Variants in FHOD3 observed in about 807,000 individuals in gnomAD.
The protein encoded by FHOD3 is formin homology 2 domain containing 3.
Under a neutral mutation model 173.0 loss-of-function variants are expected in FHOD3, and 90 were observed. That is an observed-to-expected ratio of 0.52 (90% confidence interval 0.44 to 0.62). The LOEUF is 0.62. Among genes scored for constraint, FHOD3 ranks in the 20% least tolerant of loss-of-function variants. The pLI is 0.00. For synonymous variants in FHOD3, 828 were observed against 823.0 expected, an observed-to-expected ratio of 1.01 and a Z score of -0.10; for missense variants, 1,945 against 2,034.7, an observed-to-expected ratio of 0.96 and a Z score of 0.85.
At chr18:36,379,015 C>A (rs1311799219) in intron 3 of FHOD3, among the ~76,000 whole-genome samples, 1 of 152,192 alleles carries the variant, frequency 6.6e-6, no homozygotes, top group Non-Finnish European at 1.5e-5. Context: ...GGGAACCATT[C>A]AGTTCTGTCA....
chr18:36,646,100 T>C (rs1600065098), intron 10 of FHOD3, among the ~76,000 whole-genome samples: 3 of 152,188 alleles, frequency 2.0e-5, no homozygotes, highest in African/African-American at 7.2e-5. Flanking sequence ...GCAGATGAAT[T>C]GGAAAGAAGT....
intron 17 of FHOD3, among the ~76,000 whole-genome samples, chr18:36,706,785 A>G (rs965023863): frequency 1.3e-5 from 2 of 152,176 alleles, no homozygotes; most frequent in African/African-American, 4.8e-5. Flanking sequence ...GGTTTTCACC[A>G]TATGCTTACC....
At chr18:36,562,208 G>T (rs2058111520) in intron 5 of FHOD3, among the ~76,000 whole-genome samples, 1 of 152,090 alleles carries the variant, frequency 6.6e-6, no homozygotes, top group Non-Finnish European at 1.5e-5. Context: ...GTAGAGACAG[G>T]ATTTCACCAT....
intron 7 of FHOD3, among the ~76,000 whole-genome samples, chr18:36,598,706 C>T (rs899817732): frequency 1.3e-5 from 2 of 152,128 alleles, no homozygotes; most frequent in Non-Finnish European, 2.9e-5. Context: ...CCCGCCACCT[C>T]ACCTGGCTAA....
chr18:36,510,004 C>T (rs561626392), intron 4 of FHOD3, among the ~76,000 whole-genome samples: 1 of 152,322 alleles, frequency 6.6e-6, no homozygotes, highest in South Asian at 2.1e-4. Context: ...ATTACACAGG[C>T]AGCGGTGCTG....
intron 3 of FHOD3, among the ~76,000 whole-genome samples, chr18:36,458,260 T>G (rs1195747276): frequency 6.6e-6 from 1 of 152,076 alleles, no homozygotes; most frequent in Admixed American, 6.5e-5. Flanking sequence ...CGTGGGAACT[T>G]ATCAGTAATT....
chr18:36,331,080 G>A (rs974680913), intron 1 of FHOD3, among the ~76,000 whole-genome samples: 18 of 152,128 alleles, frequency 1.2e-4, no homozygotes, highest in African/African-American at 4.3e-4. Context: ...TGCTTGTTCT[G>A]ATTTCCTCCA....
intron 4 of FHOD3, among the ~76,000 whole-genome samples, chr18:36,511,841 G>A (rs1035201110): frequency 1.3e-5 from 2 of 152,210 alleles, no homozygotes; most frequent in African/African-American, 2.4e-5. Flanking sequence ...AGCCAAGGCG[G>A]TCCTTTCGAG....
chr18:36,627,120 A>G (rs2034169035), intron 10 of FHOD3, among the ~76,000 whole-genome samples: 1 of 152,206 alleles, frequency 6.6e-6, no homozygotes, highest in Non-Finnish European at 1.5e-5. Context: ...TACCATGAGC[A>G]TTGCATTTTG....
At chr18:36,622,359 GA>G (rs963857834) in intron 9 of FHOD3, among the ~76,000 whole-genome samples, 7 of 152,042 alleles carry the variant, frequency 4.6e-5, no homozygotes, top group African/African-American at 1.4e-4. Context: ...TAAATAAAAA[GA>G]AAAAAATTCT....
intron 5 of FHOD3, among the ~76,000 whole-genome samples, chr18:36,551,320 G>A (rs2147343982): frequency 6.6e-6 from 1 of 152,092 alleles, no homozygotes; most frequent in East Asian, 1.9e-4. Flanking sequence ...CTGACAGATT[G>A]GTGTATAGTT....
chr18:36,670,505 G>C (rs1438900603), intron 14 of FHOD3, among the ~76,000 whole-genome samples: 1 of 151,920 alleles, frequency 6.6e-6, no homozygotes, highest in Admixed American at 6.6e-5. Flanking sequence ...TTCTTCTGTG[G>C]TGACAATCTA....
chr18:36,737,982 C>T (rs993347269), intron 20 of FHOD3, among the ~76,000 whole-genome samples: 1 of 152,114 alleles, frequency 6.6e-6, no homozygotes, highest in Non-Finnish European at 1.5e-5. Flanking sequence ...CTTGTGTTGC[C>T]CTTTTGTAGT....
chr18:36,559,875 G>A (rs764095421), intron 5 of FHOD3, among the ~76,000 whole-genome samples: 12 of 151,972 alleles, frequency 7.9e-5, no homozygotes, highest in East Asian at 1.9e-4. Flanking sequence ...TTAGCCCCCC[G>A]GTCCCACAGC....
At chr18:36,760,003 T>C (rs1449720933) in intron 26 of FHOD3, among the ~76,000 whole-genome samples, 1 of 152,168 alleles carries the variant, frequency 6.6e-6, no homozygotes, top group Non-Finnish European at 1.5e-5. Context: ...CTGATACCAA[T>C]TCTTTTGGGG....
chr18:36,316,562 G>A (rs2044133648), intron 1 of FHOD3, among the ~76,000 whole-genome samples: 2 of 152,148 alleles, frequency 1.3e-5, no homozygotes, highest in South Asian at 4.1e-4. Flanking sequence ...ATTGATTGAA[G>A]GGCCTTTGGT....
intron 1 of FHOD3, among the ~76,000 whole-genome samples, chr18:36,310,725 C>A (rs2092235950): frequency 1.3e-5 from 2 of 150,302 alleles, no homozygotes; most frequent in Admixed American, 1.3e-4. Context: ...AAAGAAATGT[C>A]AACTTGGGAA....
chr18:36,717,716 G>A (rs2040535867), intron 18 of FHOD3, 116 bp from the exon 19 acceptor site: 2 of 1,459,166 alleles, frequency 1.4e-6, no homozygotes, highest in East Asian at 4.9e-5. Context: ...GACTGCTCAT[G>A]CAGTGTCTTC....
intron 3 of FHOD3, among the ~76,000 whole-genome samples, chr18:36,488,426 C>T (rs1186336002): frequency 1.3e-5 from 2 of 152,188 alleles, no homozygotes; most frequent in Admixed American, 1.3e-4. Context: ...CCCCAGGGCC[C>T]AGCTGGGGCC....
Sources: gnomAD v4.1 joint callset for allele counts (sites outside exome capture counted in the v4.1 genomes callset) on GRCh38, gnomAD v4.1.1 for gene constraint, MANE v1.5 for transcripts, NCBI Gene and HGNC (gene_info 2026-07-23, HGNC 2026-07-21) for gene names.